The following NOP58 variants were observed in gnomAD, a reference collection of about 807,000 sequenced individuals.
The protein encoded by NOP58 is nucleolar protein 58.
In NOP58, 44 loss-of-function variants were observed where a neutral mutation model predicts 71.2. That is an observed-to-expected ratio of 0.62 (90% CI 0.49 to 0.79). The LOEUF (loss-of-function observed/expected upper bound fraction) is 0.79. Ranked by LOEUF, NOP58 falls within the 30% of genes least tolerant of loss-of-function variation. The pLI is 0.00. For missense variants in NOP58, 538 were observed against 620.2 expected, an observed-to-expected ratio of 0.87 and a Z score of 1.41; for synonymous variants, 228 against 200.3, an observed-to-expected ratio of 1.14 and a Z score of -1.17.
rs147136670 is a variant in NOP58 at position 202,286,140 on chromosome 2, C to G, written c.435-1520C>G. Among the ~76,000 whole-genome samples the G allele has an allele frequency of 8.8e-3, 1,256 of 143,132 alleles. 17 individuals are homozygous for G. Among genetic ancestry groups the G allele is most frequent in the African/African-American group, 0.03 (1,123 of 38,062 alleles). The allele number at this position is 143,132 out of a possible 152,430, so 93.9% of individuals were successfully genotyped here. A position where few individuals can be genotyped will look rare whatever the true frequency, so the allele number is the denominator to read the frequency against. ...GAGCTTGCAGTGAGTGGAGATCGCT[C>G]CACTGCAGTCCAGCCTGGGTGACAG... On this transcript the variant is annotated intron_variant, in intron 5 of 14. Transcript: ENST00000264279.
rs536410433 is a variant in NOP58, at chr2:202,297,657, A to G, written c.1206+144A>G. The G allele has an allele frequency of 2.9e-5, 27 of 916,084 alleles. No individual in the cohort carries two copies. In the African/African-American group the frequency reaches 3.4e-4, roughly 11 times the overall value. The allele number at this position is 916,084 out of a possible 1,614,324, so 56.7% of individuals were successfully genotyped here. On this transcript the variant is annotated intron_variant, in intron 11 of 14. Coordinates refer to ENST00000264279, the MANE Select transcript of NOP58 (RefSeq NM_015934.5). ...ATTCTTTTTGTGCCTACTGTTAACA[A>G]TTGCTATTATTTACCAAGAATTGAT...
chr2:202,299,757 T>C (rs958440678), intron 12 of NOP58: 2 of 152,292 alleles, frequency 1.3e-5, no homozygotes, highest in African/African-American at 2.4e-5. Context: ...ATCTTTTCCA[T>C]GTGCATGTAT....
At chr2:202,282,578 A>T in intron 4 of NOP58, 106 bp downstream of exon 4, 2 of 1,183,310 alleles carry the variant, frequency 1.7e-6, no homozygotes, top group South Asian at 1.8e-5. Context: ...TTCTCAATAC[A>T]TTTTTTTCTT....
chr2:202,297,836 T>C lies in NOP58; in HGVS notation c.1207-9T>C. 2 of 1,518,542 alleles carry C rather than the reference T, an allele frequency of 1.3e-6. No individual in the cohort carries two copies. Among genetic ancestry groups the C allele is most frequent in the Non-Finnish European group, 9.0e-7 (1 of 1,111,894 alleles). 94.1% of individuals were successfully genotyped at this position (1,518,542 alleles called of 1,614,324 possible). On this transcript the variant is annotated splice_polypyrimidine_tract_variant and intron_variant, in intron 11 of 14. Transcript: ENST00000264279. ...GAAGTGTATTTGTAATTTTTCGTTTTCTTCTTAGATAAGAAAAATAAGTGG... is the reference window on the plus strand; with the variant it reads ...GAAGTGTATTTGTAATTTTTCGTTTCCTTCTTAGATAAGAAAAATAAGTGG...
chr2:202,286,597 T>C (rs1688790304), intron 5 of NOP58, among the ~76,000 whole-genome samples: 1 of 152,222 alleles, frequency 6.6e-6, no homozygotes, highest in Admixed American at 6.5e-5. Flanking sequence ...GCTGCTAAGC[T>C]AGAGTTAAGA....
At chr2:202,286,202 GAGAA>G (rs1379374859) in intron 5 of NOP58, among the ~76,000 whole-genome samples, 1 of 140,688 alleles carries the variant, frequency 7.1e-6, no homozygotes, top group Non-Finnish European at 1.5e-5. Context: ...AAAAAAAAGG[GAGAA>G]AGAAACACTA....
At chr2:202,285,009 A>G (rs776724014) in intron 5 of NOP58, among the ~76,000 whole-genome samples, 2 of 151,850 alleles carry the variant, frequency 1.3e-5, no homozygotes, top group African/African-American at 2.4e-5. Flanking sequence ...AGCAAGAAAT[A>G]TGTCTCTCTC....
In NOP58 at chr2:202,292,803, C is replaced by A; in HGVS notation, c.807C>A (p.Thr269=). The A allele has an allele frequency of 6.2e-7, 1 of 1,612,172 alleles. No homozygotes were observed. ...TQVIEISEYR[T]QLYEYLQNRM... ...TGATTGAAATCTCTGAATATCGAAC[C>A]CAGCTCTATGAATATCTACAAAATC... The change falls in exon 9 of 15, where the codon ACC becomes ACA. Residue 269 remains threonine (T), a synonymous_variant. Transcript: ENST00000264279.
At chr2:202,277,579 T>C (rs1688625272) in intron 2 of NOP58, among the ~76,000 whole-genome samples, 1 of 152,088 alleles carries the variant, frequency 6.6e-6, no homozygotes, top group African/African-American at 2.4e-5. Flanking sequence ...GACAAATGAA[T>C]ATCATGAGAT....
intron 13 of NOP58, among the ~76,000 whole-genome samples, chr2:202,300,998 G>T (rs1689082233): frequency 6.6e-6 from 1 of 152,110 alleles, no homozygotes; most frequent in South Asian, 2.1e-4. Context: ...TACAAATGTG[G>T]ATAGTATACT....
intron 13 of NOP58, among the ~76,000 whole-genome samples, chr2:202,301,472 C>T (rs1689092482): frequency 6.6e-6 from 1 of 152,166 alleles, no homozygotes; most frequent in Admixed American, 6.5e-5. Flanking sequence ...CATGAGCCAC[C>T]ACGCCCAGTC....
At chr2:202,276,340 CA>C (rs140927221) in intron 2 of NOP58, 35,385 of 175,822 alleles carry the variant, frequency 0.2, 3,340 homozygotes, top group African/African-American at 0.47. Flanking sequence ...ACCCTGTCTC[CA>C]AAAAAAAAAA....
chr2:202,282,056 G>C (rs1454165781), intron 3 of NOP58, among the ~76,000 whole-genome samples: 1 of 152,180 alleles, frequency 6.6e-6, no homozygotes, highest in Non-Finnish European at 1.5e-5. Flanking sequence ...TTCCCAAAAA[G>C]ATTGTTTCTA....
At chr2:202,266,577 A>G (rs767410829) in intron 1 of NOP58, among the ~76,000 whole-genome samples, 6 of 152,120 alleles carry the variant, frequency 3.9e-5, no homozygotes, top group African/African-American at 2.4e-5. Context: ...CGGCCTCCCA[A>G]AGTGCTGGGA....
At chr2:202,280,770 CTTT>C (rs58033592) in intron 3 of NOP58, among the ~76,000 whole-genome samples, 4 of 131,156 alleles carry the variant, frequency 3.0e-5, no homozygotes, top group Admixed American at 7.7e-5. Context: ...ACTTGCAAGT[CTTT>C]TTTTTTTTTT....
chr2:202,279,816 G>C (rs572818844), intron 3 of NOP58, among the ~76,000 whole-genome samples: 1 of 152,124 alleles, frequency 6.6e-6, no homozygotes, highest in African/African-American at 2.4e-5. Context: ...AAATTAAGTA[G>C]TGTACAGTAA....
At chr2:202,276,374 A>G (rs1440119038) in intron 2 of NOP58, 1 of 367,362 alleles carries the variant, frequency 2.7e-6, no homozygotes, top group Admixed American at 2.8e-5. Flanking sequence ...TGTTTTAGGC[A>G]ACTAGAAGAC....
intron 10 of NOP58, among the ~76,000 whole-genome samples, chr2:202,296,483 G>A (rs563477665): frequency 6.6e-6 from 1 of 152,282 alleles, no homozygotes; most frequent in Admixed American, 6.5e-5. Flanking sequence ...TTACAGGTGT[G>A]AGCACCTGTG....
At chr2:202,271,843 C>T (rs1029654898) in intron 1 of NOP58, among the ~76,000 whole-genome samples, 5 of 152,028 alleles carry the variant, frequency 3.3e-5, no homozygotes, top group Admixed American at 6.6e-5. Context: ...ACTTGGGAGG[C>T]CGAGGCAGAA....
Sources: allele counts gnomAD v4.1 joint callset (sites outside exome capture counted in the v4.1 genomes callset), GRCh38; gene constraint gnomAD v4.1.1; transcripts MANE v1.5; gene names NCBI Gene and HGNC (gene_info 2026-07-23, HGNC 2026-07-21).